CNTNAP3B: variants seen among roughly 807,000 people sequenced by gnomAD.
CNTNAP3B encodes contactin-associated protein-like 3B.
In CNTNAP3B, 25 loss-of-function variants were observed where a neutral mutation model predicts 108.9. That is an observed-to-expected ratio of 0.23 (90% CI 0.17 to 0.32). The LOEUF is 0.32. CNTNAP3B is among the 10% of genes least tolerant of loss of function. The pLI is 1.00. For synonymous variants in CNTNAP3B, 103 were observed against 473.4 expected, an observed-to-expected ratio of 0.22 and a Z score of 10.16; for missense variants, 252 against 1,210.4, an observed-to-expected ratio of 0.21 and a Z score of 11.75.
intron 13 of CNTNAP3B, among the ~76,000 whole-genome samples, chr9:41,944,235 AATAC>A (rs572349047): frequency 2.9e-3 from 426 of 148,450 alleles, no homozygotes; most frequent in African/African-American, 0.01. Context: ...AAAACACAGA[AATAC>A]ATAAAGAAAG....
intron 13 of CNTNAP3B, among the ~76,000 whole-genome samples, chr9:41,950,634 G>T (rs1209737288): frequency 6.8e-6 from 1 of 147,558 alleles, no homozygotes; most frequent in Non-Finnish European, 1.5e-5. Context: ...CAACCACAAA[G>T]AGTACATACT....
intron 18 of CNTNAP3B, among the ~76,000 whole-genome samples, chr9:41,918,944 C>A (rs933924788): frequency 4.6e-5 from 7 of 150,618 alleles, no homozygotes; most frequent in South Asian, 2.1e-4. Context: ...TTGAAAGTCA[C>A]ACAATTTATA....
intron 7 of CNTNAP3B, among the ~76,000 whole-genome samples, chr9:41,995,760 G>T (rs1416069295): frequency 7.5e-6 from 1 of 133,450 alleles, no homozygotes; most frequent in Non-Finnish European, 1.6e-5. Context: ...AATTGGCCAG[G>T]CCCGGTGGCT....
Position 42,036,500 on chromosome 9 carries a change from G to A in CNTNAP3B, c.391-22975C>T, listed in dbSNP as rs555722984. Among the ~76,000 whole-genome samples the A allele has an allele frequency of 3.0e-4, 41 of 137,692 alleles. 3 individuals are homozygous for A. The East Asian group carries it at 8.6e-3, about 29-fold the overall frequency. The allele number at this position is 137,692 out of a possible 152,430, so 90.3% of individuals were successfully genotyped here. On this transcript the variant is annotated intron_variant, in intron 3 of 23. Coordinates refer to ENST00000377561, the MANE Select transcript of CNTNAP3B (RefSeq NM_001201380.3). ...GCAAGGCAGCAGCGAGACTAGGGGA[G>A]GAGCGCCCGCCATTGCTGAGGCTTG...
At chr9:41,916,471 C>A (rs1359523103) in intron 18 of CNTNAP3B, among the ~76,000 whole-genome samples, 1 of 152,194 alleles carries the variant, frequency 6.6e-6, no homozygotes, top group Non-Finnish European at 1.5e-5. Flanking sequence ...TATATCCCTT[C>A]AACCTGAAGG....
At chr9:41,954,739 AG>A (rs1824803297) in intron 12 of CNTNAP3B, among the ~76,000 whole-genome samples, 1 of 152,236 alleles carries the variant, frequency 6.6e-6, no homozygotes, top group African/African-American at 2.4e-5. Flanking sequence ...GCTGGAGTGC[AG>A]TGGCGCTATC....
chr9:41,940,989 TA>T (rs1824325743), intron 13 of CNTNAP3B, among the ~76,000 whole-genome samples: 1 of 152,064 alleles, frequency 6.6e-6, no homozygotes, highest in African/African-American at 2.4e-5. Flanking sequence ...TGGATAAATA[TA>T]ATAGACTATC....
At chr9:41,945,728 T>C (rs1410611771) in intron 13 of CNTNAP3B, among the ~76,000 whole-genome samples, 1 of 152,300 alleles carries the variant, frequency 6.6e-6, no homozygotes, top group African/African-American at 2.4e-5. Flanking sequence ...CAAACCTGCA[T>C]GTTGTGCACA....
intron 14 of CNTNAP3B, among the ~76,000 whole-genome samples, chr9:41,935,336 C>G (rs924335478): frequency 6.6e-6 from 1 of 152,224 alleles, no homozygotes; most frequent in African/African-American, 2.4e-5. Flanking sequence ...GCCCCATTAA[C>G]GGACATATGC....
intron 13 of CNTNAP3B, among the ~76,000 whole-genome samples, chr9:41,952,097 T>C (rs1461810496): frequency 1.3e-5 from 2 of 152,248 alleles, no homozygotes; most frequent in Non-Finnish European, 2.9e-5. Flanking sequence ...TGGTCTGGCA[T>C]ATTCCAGGGG....
intron 11 of CNTNAP3B, among the ~76,000 whole-genome samples, chr9:41,961,118 T>C (rs1252143725): frequency 2.0e-5 from 3 of 152,306 alleles, no homozygotes; most frequent in African/African-American, 7.2e-5. Flanking sequence ...CAAAATACAT[T>C]CAAATGTTGG....
chr9:42,041,984 G>A (rs1375716937), intron 3 of CNTNAP3B, among the ~76,000 whole-genome samples: 1 of 113,408 alleles, frequency 8.8e-6, no homozygotes, highest in Non-Finnish European at 1.8e-5. Flanking sequence ...ACTATAGCAA[G>A]GACAGAAAAG....
chr9:41,944,587 C>T (rs1378968183), intron 13 of CNTNAP3B, among the ~76,000 whole-genome samples: 1 of 151,992 alleles, frequency 6.6e-6, no homozygotes, highest in Admixed American at 6.6e-5. Context: ...ATATAAAATG[C>T]TCAATTAAAA....
chr9:42,056,120 A>G (rs1827061896), intron 3 of CNTNAP3B, among the ~76,000 whole-genome samples: 2 of 130,168 alleles, frequency 1.5e-5, no homozygotes, highest in Non-Finnish European at 3.2e-5. Flanking sequence ...AATAATATCC[A>G]TAATATTGCA....
At position 41,927,819 on chromosome 9, in the gene CNTNAP3B, T is replaced by A. The variant is rs1286410712; in HGVS notation, c.2365+1498A>T. On this transcript the variant is annotated intron_variant, in intron 15 of 23. Coordinates refer to ENST00000377561, the MANE Select transcript of CNTNAP3B (RefSeq NM_001201380.3). ...ACAGCTGATAACAAATTACTGACATTGGGAAAAGCTTAGAATAATCATATT... is the reference window on the plus strand; with the variant it reads ...ACAGCTGATAACAAATTACTGACATAGGGAAAAGCTTAGAATAATCATATT... 2.6e-4 allele frequency among the ~76,000 whole-genome samples: 40 copies of A among 151,104 alleles called. No homozygotes were observed. The South Asian group carries it at 3.3e-3, about 13-fold the overall frequency.
chr9:41,920,735 C>G (rs1349374447), intron 17 of CNTNAP3B, among the ~76,000 whole-genome samples: 2 of 152,264 alleles, frequency 1.3e-5, no homozygotes, highest in African/African-American at 4.8e-5. Context: ...TAGGTATGAA[C>G]TTCCAAATTT....
chr9:42,099,767 C>T (rs1408335210), intron 2 of CNTNAP3B, among the ~76,000 whole-genome samples: 1 of 103,538 alleles, frequency 9.7e-6, no homozygotes. Context: ...CCACAAATAA[C>T]AATGCTGTCT....
intron 10 of CNTNAP3B, among the ~76,000 whole-genome samples, chr9:41,967,526 C>T (rs1415552869): frequency 7.2e-5 from 11 of 152,384 alleles, no homozygotes; most frequent in Admixed American, 2.6e-4. Flanking sequence ...CAGACTAATA[C>T]AATTAGATTT....
chr9:41,916,999 A>G (rs1261234950), intron 18 of CNTNAP3B, among the ~76,000 whole-genome samples: 42 of 152,034 alleles, frequency 2.8e-4, no homozygotes, highest in South Asian at 1.2e-3. Context: ...AAAGTTTTTA[A>G]TAAGATGTGT....
Sources: gnomAD v4.1 joint callset for allele counts (sites outside exome capture counted in the v4.1 genomes callset) on GRCh38, gnomAD v4.1.1 for gene constraint, MANE v1.5 for transcripts, NCBI Gene and HGNC (gene_info 2026-07-23, HGNC 2026-07-21) for gene names.